The following DNAJC6 variants were observed in gnomAD, a reference collection of about 807,000 sequenced individuals.
The protein encoded by DNAJC6 is DnaJ heat shock protein family (Hsp40) member C6, also known as auxilin.
A neutral mutation model predicts 110.0 loss-of-function variants in DNAJC6; 34 were observed. The ratio of observed to expected loss-of-function variants is 0.31; its 90% CI spans 0.24 to 0.41. The LOEUF (loss-of-function observed/expected upper bound fraction) is 0.41. Ranked by LOEUF, DNAJC6 falls within the 10% of genes least tolerant of loss-of-function variation. The probability of loss-of-function intolerance (pLI) is 1.00; values close to 1 mark genes in which losing one functional copy is unlikely to be tolerated. For missense variants in DNAJC6, 1,031 were observed against 1,207.8 expected (o/e 0.85, Z 2.17); for synonymous variants, 406 against 437.2 (o/e 0.93, Z 0.89).
At chr1:65,334,925 A>G (rs747308385) in intron 1 of DNAJC6, among the ~76,000 whole-genome samples, 17 of 152,236 alleles carry the variant, frequency 1.1e-4, no homozygotes, top group Non-Finnish European at 1.9e-4. Context: ...ATAAAATTCA[A>G]GTCTTAAAGG....
chr1:65,411,723 CT>C (rs1263468117), intron 18 of DNAJC6, among the ~76,000 whole-genome samples: 1 of 118,704 alleles, frequency 8.4e-6, no homozygotes, highest in African/African-American at 3.3e-5. Context: ...AATCCCAGCA[CT>C]TTGGGGGGGG....
chr1:65,396,061 T>A (rs889264108), intron 13 of DNAJC6, among the ~76,000 whole-genome samples: 1 of 152,228 alleles, frequency 6.6e-6, no homozygotes, highest in Non-Finnish European at 1.5e-5. Flanking sequence ...AAAAGGAAGA[T>A]GACTTTTGCA....
At position 65,358,061 on chromosome 1, in the gene DNAJC6, C is replaced by G. The variant is rs74608098; in HGVS notation, c.194-6574C>G. ...GGGCATGGTGGCGGGCACCTGTAATCCCAGCTTATCGGGAGGCCGACGCAG... is the reference window on the plus strand; with the variant it reads ...GGGCATGGTGGCGGGCACCTGTAATGCCAGCTTATCGGGAGGCCGACGCAG... On this transcript the variant is annotated intron_variant, in intron 1 of 18. Transcript: ENST00000371069. Among the ~76,000 whole-genome samples the G allele has an allele frequency of 6.7e-3, 1,010 of 151,756 alleles. 12 individuals carry two copies. The highest frequency in any genetic ancestry group is 0.023 in the African/African-American group (964 of 41,354).
intron 1 of DNAJC6, among the ~76,000 whole-genome samples, chr1:65,334,109 G>C (rs1334043933): frequency 6.6e-6 from 1 of 152,126 alleles, no homozygotes; most frequent in Non-Finnish European, 1.5e-5. Context: ...TAACAAAACT[G>C]TCAAAAGAAA....
intron 1 of DNAJC6, among the ~76,000 whole-genome samples, chr1:65,333,587 A>G (rs1305178594): frequency 1.3e-5 from 2 of 152,176 alleles, no homozygotes; most frequent in East Asian, 1.9e-4. Flanking sequence ...ATGTTATTAT[A>G]TAAATTGTCT....
chr1:65,302,144 A>G (rs991389181), intron 1 of DNAJC6, among the ~76,000 whole-genome samples: 1 of 141,538 alleles, frequency 7.1e-6, no homozygotes, highest in Non-Finnish European at 1.5e-5. Flanking sequence ...TATAATACGT[A>G]TTATATATAT....
intron 18 of DNAJC6, among the ~76,000 whole-genome samples, chr1:65,411,634 G>T (rs1646129678): frequency 6.6e-6 from 1 of 152,106 alleles, no homozygotes; most frequent in Non-Finnish European, 1.5e-5. Context: ...GGCTTATTTA[G>T]AGAGAGTAAG....
intron 1 of DNAJC6, among the ~76,000 whole-genome samples, chr1:65,330,734 T>G (rs1169699583): frequency 6.6e-6 from 1 of 152,244 alleles, no homozygotes; most frequent in Non-Finnish European, 1.5e-5. Flanking sequence ...CCCAAAGTGT[T>G]GGGATTACAG....
chr1:65,280,316 G>A (rs977872614), intron 1 of DNAJC6, among the ~76,000 whole-genome samples: 1 of 152,044 alleles, frequency 6.6e-6, no homozygotes, highest in African/African-American at 2.4e-5. Context: ...ACTGAGTTCA[G>A]ATTATTCATA....
At chr1:65,348,171 G>C (rs1645455411) in intron 1 of DNAJC6, among the ~76,000 whole-genome samples, 1 of 152,120 alleles carries the variant, frequency 6.6e-6, no homozygotes, top group South Asian at 2.1e-4. Flanking sequence ...ATGCCTTAAA[G>C]CACTTCAATG....
At chr1:65,384,080 C>T (rs963518289) in intron 5 of DNAJC6, 113 bp from the exon 6 acceptor site, 4 of 1,248,720 alleles carry the variant, frequency 3.2e-6, no homozygotes, top group Non-Finnish European at 4.2e-6. Flanking sequence ...AAAGCACCCA[C>T]AGTTAAGAGG....
At chr1:65,355,882 CTTTTTT>C (rs372078909) in intron 1 of DNAJC6, among the ~76,000 whole-genome samples, 2 of 82,852 alleles carry the variant, frequency 2.4e-5, no homozygotes, top group South Asian at 5.2e-4. Context: ...AACAGCATGG[CTTTTTT>C]TTTTTTTTTT....
In DNAJC6 at chr1:65,310,049, G is replaced by A. The variant is rs1645084187; in HGVS notation, c.193+111G>A. The A allele has an allele frequency of 4.6e-6, 6 of 1,294,542 alleles. No individual in the cohort carries two copies. The South Asian group carries it at 8.6e-5, about 18-fold the overall frequency. 80.2% of individuals were successfully genotyped at this position (1,294,542 alleles called of 1,614,324 possible). On this transcript the variant is annotated intron_variant, in intron 1 of 18. Transcript: ENST00000371069. ...TCCCCCAGCCCCGGTTTGCGAGAGA[G>A]CCGGGCTGGAGGCGAAGGCTTCTAA...
At chr1:65,351,001 C>T (rs1454516142) in intron 1 of DNAJC6, among the ~76,000 whole-genome samples, 1 of 152,166 alleles carries the variant, frequency 6.6e-6, no homozygotes, top group African/African-American at 2.4e-5. Context: ...TCTTTTCCCT[C>T]CTATCCCTCC....
chr1:65,308,786 G>C (rs1296470598), upstream of DNAJC6, among the ~76,000 whole-genome samples: 1 of 152,182 alleles, frequency 6.6e-6, no homozygotes, highest in Non-Finnish European at 1.5e-5. Flanking sequence ...AATGGTGGCG[G>C]ATCTGAAAAT....
intron 1 of DNAJC6, among the ~76,000 whole-genome samples, chr1:65,359,101 A>G (rs963507441): frequency 6.6e-6 from 1 of 152,240 alleles, no homozygotes; most frequent in Non-Finnish European, 1.5e-5. Flanking sequence ...ACATTAAGGC[A>G]GTTAAGACTA....
intron 1 of DNAJC6, among the ~76,000 whole-genome samples, chr1:65,322,519 T>C (rs1354840707): frequency 6.6e-6 from 1 of 152,192 alleles, no homozygotes; most frequent in Non-Finnish European, 1.5e-5. Context: ...CTAACGATTG[T>C]TTTAAATTCC....
chr1:65,278,758 GAA>G (rs1464058508), intron 1 of DNAJC6, among the ~76,000 whole-genome samples: 1 of 152,152 alleles, frequency 6.6e-6, no homozygotes, highest in African/African-American at 2.4e-5. Context: ...GCTTGGGAAG[GAA>G]AAATTACCTG....
intron 1 of DNAJC6, among the ~76,000 whole-genome samples, chr1:65,327,995 G>A (rs569997056): frequency 2.6e-5 from 4 of 152,242 alleles, no homozygotes; most frequent in South Asian, 2.1e-4. Context: ...GATTAGAGGC[G>A]TGAGCCACCA....
Sources: gnomAD v4.1 joint callset for allele counts (sites outside exome capture counted in the v4.1 genomes callset) on GRCh38, gnomAD v4.1.1 for gene constraint, MANE v1.5 for transcripts, NCBI Gene and HGNC (gene_info 2026-07-23, HGNC 2026-07-21) for gene names.